MGAT4C: variants seen among roughly 807,000 people sequenced by gnomAD.
MGAT4C encodes the protein MGAT4 family member C, also known as alpha-1,3-mannosyl-glycoprotein 4-beta-N-acetylglucosaminyltransferase C.
A neutral mutation model predicts 40.1 loss-of-function variants in MGAT4C; 19 were observed. The observed-to-expected ratio is 0.47, with a 90% CI of 0.33 to 0.70. The LOEUF (loss-of-function observed/expected upper bound fraction) is 0.70. MGAT4C is among the 30% of genes least tolerant of loss of function. MGAT4C has a pLI of 0.02. For missense variants in MGAT4C, 491 were observed against 563.2 expected (o/e 0.87, Z 1.30); for synonymous variants, 181 against 187.1 (o/e 0.97, Z 0.27).
intron 1 of MGAT4C, among the ~76,000 whole-genome samples, chr12:86,730,155 CATAA>C (rs554681986): frequency 2.8e-4 from 42 of 151,648 alleles, no homozygotes; most frequent in African/African-American, 1.0e-3. Flanking sequence ...TCTGGTCGAA[CATAA>C]ATAAAACAAA....
rs139960357 is a variant in MGAT4C at position 86,429,388 on chromosome 12, A to G, written c.-120+5769T>C. Reference sequence around the variant, plus strand: ...TGCTTTGTACCTTAGCATGTGATCTATTCTGAATAATGTTTGTTTGTGTGC... The same window carrying G: ...TGCTTTGTACCTTAGCATGTGATCTGTTCTGAATAATGTTTGTTTGTGTGC... On this transcript the variant is annotated intron_variant, in intron 3 of 7. Transcript: ENST00000548651. Among the ~76,000 whole-genome samples the G allele has an allele frequency of 1.4e-4, 21 of 152,284 alleles. 1 individual carries two copies. The highest frequency in any genetic ancestry group is 4.6e-4 in the African/African-American group (19 of 41,584).
At chr12:86,553,891 G>C (rs1397482967) in intron 2 of MGAT4C, among the ~76,000 whole-genome samples, 1 of 152,114 alleles carries the variant, frequency 6.6e-6, no homozygotes, top group Non-Finnish European at 1.5e-5. Flanking sequence ...GAGAAAGTCA[G>C]AAATTTCCAG....
At chr12:86,466,546 G>A (rs1451482904) in intron 2 of MGAT4C, among the ~76,000 whole-genome samples, 1 of 152,152 alleles carries the variant, frequency 6.6e-6, no homozygotes, top group Non-Finnish European at 1.5e-5. Context: ...TGTGGGAGAG[G>A]GATGAATAGG....
chr12:86,352,596 G>A (rs1955189754), intron 3 of MGAT4C, among the ~76,000 whole-genome samples: 1 of 151,962 alleles, frequency 6.6e-6, no homozygotes, highest in Admixed American at 6.6e-5. Flanking sequence ...TGACCACATA[G>A]GGTTCCATTA....
chr12:86,454,949 A>G (rs1299409896), intron 2 of MGAT4C, among the ~76,000 whole-genome samples: 1 of 152,070 alleles, frequency 6.6e-6, no homozygotes, highest in Non-Finnish European at 1.5e-5. Flanking sequence ...TTTCTTACAT[A>G]TTACTAGATG....
intron 2 of MGAT4C, among the ~76,000 whole-genome samples, chr12:86,436,680 C>T (rs78821658): frequency 0.019 from 2,816 of 151,686 alleles, 35 homozygotes; most frequent in Non-Finnish European, 0.029. Context: ...ATCCAAACAA[C>T]GTTTTCTTTT....
intron 1 of MGAT4C, among the ~76,000 whole-genome samples, chr12:86,746,073 A>T (rs190971829): frequency 6.6e-6 from 1 of 151,794 alleles, no homozygotes; most frequent in Admixed American, 6.6e-5. Flanking sequence ...GAAAGCTGGC[A>T]TCCACATTTC....
At chr12:86,127,535 T>C (rs2030509321) in intron 1 of MGAT4C, among the ~76,000 whole-genome samples, 1 of 152,194 alleles carries the variant, frequency 6.6e-6, no homozygotes, top group South Asian at 2.1e-4. Context: ...CAATAATAGA[T>C]AATTACTTCA....
At chr12:86,814,472 T>C (rs185022894) in intron 1 of MGAT4C, among the ~76,000 whole-genome samples, 1 of 150,590 alleles carries the variant, frequency 6.6e-6, no homozygotes, top group Non-Finnish European at 1.5e-5. Context: ...CTCATAATTA[T>C]ATTAATTCCA....
At chr12:86,599,718 A>T (rs1961693013) in intron 2 of MGAT4C, 1 of 152,200 alleles carries the variant, frequency 6.6e-6, no homozygotes, top group African/African-American at 2.4e-5. Context: ...ACAGAAGTAG[A>T]ATATAGTGTT....
chr12:86,532,844 T>C (rs1028196145), intron 2 of MGAT4C, among the ~76,000 whole-genome samples: 8 of 152,016 alleles, frequency 5.3e-5, no homozygotes, highest in African/African-American at 1.7e-4. Context: ...TTTACTCACA[T>C]AGAGATTTGG....
intron 2 of MGAT4C, among the ~76,000 whole-genome samples, chr12:86,036,884 G>A (rs1336945591): frequency 6.7e-6 from 1 of 149,774 alleles, no homozygotes; most frequent in African/African-American, 2.4e-5. Context: ...GCTCCTCTTT[G>A]TACCTCTGGT....
chr12:86,587,308 C>T (rs1482882949), intron 2 of MGAT4C, among the ~76,000 whole-genome samples: 1 of 152,066 alleles, frequency 6.6e-6, no homozygotes, highest in African/African-American at 2.4e-5. Context: ...TTCCATTGAT[C>T]TATATCTCTG....
intron 2 of MGAT4C, among the ~76,000 whole-genome samples, chr12:85,993,333 A>C (rs1158665498): frequency 6.6e-6 from 1 of 152,196 alleles, no homozygotes; most frequent in African/African-American, 2.4e-5. Flanking sequence ...TGGCAGTGCC[A>C]TTGGAGGACC....
At position 86,679,372 on chromosome 12, in the gene MGAT4C, A is replaced by G. The variant is rs139852767; in HGVS notation, c.-229+47837T>C. ...CTTTAAGATACAGACCAGATCATAGATCATGTCTTCTTGTTCAAAATCCTA... is the reference window on the plus strand; with the variant it reads ...CTTTAAGATACAGACCAGATCATAGGTCATGTCTTCTTGTTCAAAATCCTA... On this transcript the variant is annotated intron_variant, in intron 2 of 7. Transcript: ENST00000548651. 2.6e-5 allele frequency among the ~76,000 whole-genome samples: 4 copies of G among 152,190 alleles called. No homozygotes were observed. The East Asian group carries it at 7.7e-4, about 29-fold the overall frequency.
chr12:86,024,991 G>A (rs574796078), intron 2 of MGAT4C, among the ~76,000 whole-genome samples: 26 of 150,712 alleles, frequency 1.7e-4, no homozygotes, highest in Non-Finnish European at 3.4e-4. Flanking sequence ...TGATTCATTT[G>A]GCTTAACTTC....
chr12:86,655,209 G>A (rs1963814215), intron 2 of MGAT4C, among the ~76,000 whole-genome samples: 2 of 151,714 alleles, frequency 1.3e-5, no homozygotes, highest in Admixed American at 6.6e-5. Context: ...CAATCGGCCC[G>A]GGTGTGTGAT....
At chr12:86,047,114 A>C (rs1197394558) in intron 2 of MGAT4C, among the ~76,000 whole-genome samples, 1 of 152,180 alleles carries the variant, frequency 6.6e-6, no homozygotes, top group Non-Finnish European at 1.5e-5. Flanking sequence ...AATGATTCTC[A>C]AGAAACTGAT....
At chr12:86,576,975 T>G (rs528754356) in intron 2 of MGAT4C, among the ~76,000 whole-genome samples, 1 of 151,968 alleles carries the variant, frequency 6.6e-6, no homozygotes, top group Non-Finnish European at 1.5e-5. Context: ...TTTTCTATTT[T>G]TTGGTGTCCT....
Sources: gnomAD v4.1 joint callset for allele counts (sites outside exome capture counted in the v4.1 genomes callset) on GRCh38, gnomAD v4.1.1 for gene constraint, MANE v1.5 for transcripts, NCBI Gene and HGNC (gene_info 2026-07-23, HGNC 2026-07-21) for gene names.